The following MTM1 variants were observed in gnomAD, a reference collection of about 807,000 sequenced individuals.
MTM1 encodes myotubularin 1.
Under a neutral mutation model 52.1 loss-of-function variants are expected in MTM1, and 9 were observed. That is an observed-to-expected ratio of 0.17 (90% CI 0.10 to 0.30). MTM1 has a LOEUF of 0.30. Among genes scored for constraint, MTM1 ranks in the 10% least tolerant of loss-of-function variants. The pLI is 1.00. For missense variants in MTM1, 277 were observed against 470.7 expected (o/e 0.59, Z 3.81); for synonymous variants, 136 against 163.8 (o/e 0.83, Z 1.29).
intron 6 of MTM1, among the ~76,000 whole-genome samples, chrX:150,625,290 G>T (rs1451064787): frequency 8.9e-6 from 1 of 111,889 alleles, no homozygotes; most frequent in Non-Finnish European, 1.9e-5. Flanking sequence ...TGCCTGGCAC[G>T]CAGTAAGTAC....
rs368528086 is a variant in MTM1 at position 150,671,389 on chromosome X, G to A, written c.1645-39G>A. On this transcript the variant is annotated intron_variant, in intron 14 of 14. Coordinates refer to ENST00000370396, the MANE Select transcript of MTM1 (RefSeq NM_000252.3). ...GAACACGTGAGTTCTCATGACGTGC[G>A]TGGCATAAAGTGTAACTCAAGTCTC... is the stretch of plus-strand genomic sequence containing the variant. The A allele has an allele frequency of 3.5e-5, 42 of 1,203,631 alleles. 1 individual carries two copies. Among genetic ancestry groups the A allele is most frequent in the South Asian group, 5.3e-5 (3 of 56,607 alleles).
intron 1 of MTM1, among the ~76,000 whole-genome samples, chrX:150,591,879 C>G (rs1193559034): frequency 2.7e-5 from 3 of 112,604 alleles, no homozygotes; most frequent in Non-Finnish European, 5.6e-5. Flanking sequence ...ATGTATCTAT[C>G]TGTGTCCTAA....
At chrX:150,603,688 G>A (rs187350372) in intron 4 of MTM1, among the ~76,000 whole-genome samples, 2 of 112,077 alleles carry the variant, frequency 1.8e-5, no homozygotes, top group Admixed American at 1.9e-4. Flanking sequence ...TGAAGGCATG[G>A]ACTTACAGCT....
intron 1 of MTM1, among the ~76,000 whole-genome samples, chrX:150,583,916 TAAA>T (rs1243135767): frequency 1.8e-5 from 1 of 54,351 alleles, no homozygotes; most frequent in African/African-American, 6.3e-5. Context: ...ATATATAATA[TAAA>T]ATATATATTA....
At chrX:150,668,070 T>C (rs782666668) in intron 14 of MTM1, among the ~76,000 whole-genome samples, 137 of 112,100 alleles carry the variant, frequency 1.2e-3, no homozygotes, top group Middle Eastern at 4.6e-3. Context: ...GACCCAGACA[T>C]AGAGGAGAGA....
In MTM1 at chrX:150,612,800, A is replaced by G. The variant is rs1377674909; in HGVS notation, c.232-1789A>G. The stretch of plus-strand genomic sequence containing the variant: ...GGGGTTTGAGACCAGCCTGGCCAAC[A>G]TGGCAAAACCCCGTCTCTACTAAAA... On this transcript the variant is annotated intron_variant, in intron 4 of 14. Coordinates refer to ENST00000370396, the MANE Select transcript of MTM1 (RefSeq NM_000252.3). Among the ~76,000 whole-genome samples the G allele has an allele frequency of 6.3e-5, 7 of 111,522 alleles. No homozygotes were observed. In the East Asian group the frequency reaches 2.0e-3, roughly 31 times the overall value.
At chrX:150,653,532 C>T (rs1288831546) in intron 10 of MTM1, among the ~76,000 whole-genome samples, 1 of 112,465 alleles carries the variant, frequency 8.9e-6, no homozygotes, top group East Asian at 2.8e-4. Context: ...ACGTGGACAT[C>T]TTTGGTGACC....
chrX:150,618,498 A>G (rs782079351), intron 5 of MTM1, among the ~76,000 whole-genome samples: 1 of 109,777 alleles, frequency 9.1e-6, no homozygotes, highest in South Asian at 4.0e-4. Context: ...TACTAAAAAT[A>G]CAAAAAATTA....
chrX:150,633,375 A>G (rs2039701310), intron 6 of MTM1, among the ~76,000 whole-genome samples: 1 of 112,163 alleles, frequency 8.9e-6, no homozygotes, highest in Non-Finnish European at 1.9e-5. Flanking sequence ...GGTTTTTGGA[A>G]TAACTGCGTC....
upstream of MTM1, among the ~76,000 whole-genome samples, chrX:150,565,932 C>T (rs1363351529): frequency 9.1e-6 from 1 of 109,781 alleles, no homozygotes; most frequent in Non-Finnish European, 1.9e-5. Flanking sequence ...CATCTTCTCA[C>T]AGGCCTCCTG....
chrX:150,589,839 A>G (rs1394783216), intron 1 of MTM1, among the ~76,000 whole-genome samples: 1 of 108,926 alleles, frequency 9.2e-6, no homozygotes, highest in Non-Finnish European at 1.9e-5. Context: ...CTTTTCTCCT[A>G]GTATTTCCAA....
rs1432165685 is a variant in MTM1, at chrX:150,652,917, G to A, written c.1053+3016G>A. Among the ~76,000 whole-genome samples, 3 of 110,138 alleles carry A rather than the reference G, an allele frequency of 2.7e-5. No homozygotes were observed. The East Asian group carries it at 8.5e-4, about 31-fold the overall frequency. On this transcript the variant is annotated intron_variant, in intron 10 of 14. Transcript: ENST00000370396. ...AGGAAGAGAGACTGGGTGAGAGTAG[G>A]TCTTGTTCAATGGCTCAGATGTCTG...
intron 6 of MTM1, among the ~76,000 whole-genome samples, chrX:150,619,387 A>G (rs1557413222): frequency 8.9e-6 from 1 of 112,193 alleles, no homozygotes; most frequent in East Asian, 2.8e-4. Context: ...AATGGGAACA[A>G]ACTCTCTGAG....
At chrX:150,663,791 A>G (rs1419659971) in intron 14 of MTM1, among the ~76,000 whole-genome samples, 182 bp downstream of exon 14, 5 of 111,959 alleles carry the variant, frequency 4.5e-5, no homozygotes, top group Non-Finnish European at 7.5e-5. Context: ...TTTGATGTTA[A>G]GCTGCAATTC....
intron 4 of MTM1, among the ~76,000 whole-genome samples, chrX:150,612,010 A>C (rs1191333286): frequency 9.0e-6 from 1 of 111,590 alleles, no homozygotes; most frequent in Non-Finnish European, 1.9e-5. Flanking sequence ...AGCCTGGGCC[A>C]CATGGTGAAA....
At position 150,649,892 on chromosome X, in the gene MTM1, A is replaced by G; in HGVS notation, c.1044A>G (p.Glu348=). 1 of 1,201,968 alleles carries G rather than the reference A, an allele frequency of 8.3e-7. No individual in the cohort carries two copies. Among genetic ancestry groups the G allele is most frequent in the Non-Finnish European group, 1.1e-6 (1 of 888,583 alleles). The part of the protein sequence containing the change: ...LSSLESTHWL[E]HIKLVLTGAI... ...GTTTGGAGTCTACTCATTGGTTAGA[A>G]CATATCAAGGCAAGTATATTTTGTG... The change falls in exon 10 of 15, where the codon GAA becomes GAG. Residue 348 remains glutamate (E), a synonymous_variant. Coordinates refer to ENST00000370396, the MANE Select transcript of MTM1 (RefSeq NM_000252.3).
intron 9 of MTM1, among the ~76,000 whole-genome samples, chrX:150,647,221 A>ATATATATATATAT (rs373023705): frequency 9.8e-6 from 1 of 101,618 alleles, no homozygotes; most frequent in African/African-American, 3.9e-5. Flanking sequence ...ATATATATAT[A>ATATATATATATAT]GCAATATTTT....
At chrX:150,619,295 C>A (rs2039438397) in intron 6 of MTM1, among the ~76,000 whole-genome samples, 156 bp downstream of exon 6, 1 of 111,248 alleles carries the variant, frequency 9.0e-6, no homozygotes, top group African/African-American at 3.3e-5. Flanking sequence ...TCATCATTTC[C>A]AGAGGGAACA....
At chrX:150,567,555 CT>C (rs1486860727), upstream of MTM1, among the ~76,000 whole-genome samples, 1 of 111,496 alleles carries the variant, frequency 9.0e-6, no homozygotes, top group Non-Finnish European at 1.9e-5. Context: ...GTTGTCTTTT[CT>C]TTTTTTAATT....
Sources: gnomAD v4.1 joint callset for allele counts (sites outside exome capture counted in the v4.1 genomes callset) on GRCh38, gnomAD v4.1.1 for gene constraint, MANE v1.5 for transcripts, NCBI Gene and HGNC (gene_info 2026-07-23, HGNC 2026-07-21) for gene names.